Variants in IRAK1BP1 observed in about 807,000 individuals in gnomAD.
The protein encoded by IRAK1BP1 is interleukin-1 receptor-associated kinase 1-binding protein 1.
IRAK1BP1 carries 24 observed loss-of-function variants against 28.0 expected under a neutral mutation model. The observed-to-expected ratio is 0.86, with a 90% CI of 0.62 to 1.20. The LOEUF is 1.20. IRAK1BP1 is among the 50% of genes most tolerant of loss of function. The pLI, the probability that IRAK1BP1 is intolerant of heterozygous loss-of-function variation, is 0.00. For synonymous variants in IRAK1BP1, 131 were observed against 116.3 expected (o/e 1.13, Z -0.81); for missense variants, 336 against 316.7 (o/e 1.06, Z -0.46).
At chr6:78,963,080 C>T in the IRAK1BP1 span, 79 of 1,564,798 alleles carry the variant, frequency 5.0e-5, no homozygotes, top group Admixed American at 2.2e-4. Flanking sequence ...TCTATACTCG[C>T]GTGTTGCTTT....
chr6:78,922,991 G>A (rs1417501578), intron 4 of IRAK1BP1, among the ~76,000 whole-genome samples: 1 of 152,136 alleles, frequency 6.6e-6, no homozygotes, highest in Non-Finnish European at 1.5e-5. Flanking sequence ...AAAGACCATC[G>A]AGGCTAGGAA....
the IRAK1BP1 span, among the ~76,000 whole-genome samples, chr6:78,971,331 T>C: frequency 6.6e-6 from 1 of 152,262 alleles, no homozygotes; most frequent in African/African-American, 2.4e-5. Flanking sequence ...GGCATACATT[T>C]ATCCACATTT....
chr6:78,962,578 C>T, the IRAK1BP1 span, among the ~76,000 whole-genome samples: 86 of 152,132 alleles, frequency 5.7e-4, 1 homozygote, highest in African/African-American at 2.0e-3. Context: ...TGCTACAAAC[C>T]ACCACATAAT....
intron 1 of IRAK1BP1, among the ~76,000 whole-genome samples, chr6:78,875,609 C>T (rs1207145304): frequency 6.6e-6 from 1 of 152,138 alleles, no homozygotes; most frequent in Non-Finnish European, 1.5e-5. Flanking sequence ...AAGCCATTAT[C>T]CTACCCCAGT....
At chr6:78,975,344 C>T in the IRAK1BP1 span, among the ~76,000 whole-genome samples, 5 of 152,192 alleles carry the variant, frequency 3.3e-5, no homozygotes, top group African/African-American at 1.2e-4. Context: ...TAAAAACTCT[C>T]AATAAATTAG....
intron 1 of IRAK1BP1, among the ~76,000 whole-genome samples, chr6:78,883,842 C>G (rs941927272): frequency 6.6e-6 from 1 of 152,092 alleles, no homozygotes; most frequent in Non-Finnish European, 1.5e-5. Flanking sequence ...TGAATCATAC[C>G]TTGTTCAGTG....
chr6:78,889,780 G>A (rs1034987208), intron 2 of IRAK1BP1, among the ~76,000 whole-genome samples: 3 of 152,154 alleles, frequency 2.0e-5, no homozygotes, highest in African/African-American at 7.2e-5. Context: ...ACAGATGCTA[G>A]AGAGGATGTG....
At chr6:78,978,928 C>T in the IRAK1BP1 span, among the ~76,000 whole-genome samples, 1 of 151,990 alleles carries the variant, frequency 6.6e-6, no homozygotes, top group East Asian at 1.9e-4. Flanking sequence ...CCACAAAGTT[C>T]CAACAGGCAA....
chr6:78,928,741 C>T lies in IRAK1BP1; in HGVS notation c.*68-16667C>T, dbSNP rs1772960167. 2.0e-5 allele frequency among the ~76,000 whole-genome samples: 3 copies of T among 152,102 alleles called. No homozygotes were observed. In the South Asian group the frequency reaches 6.2e-4, roughly 31 times the overall value. On this transcript the variant is annotated intron_variant and NMD_transcript_variant, in intron 4 of 4. Transcript: ENST00000606868. Reference sequence around the variant, plus strand: ...TTTATCATGAAGGGATGTTGAATTTCATCAAATGCTTTTTCGGCATCAATT... The same window carrying T: ...TTTATCATGAAGGGATGTTGAATTTTATCAAATGCTTTTTCGGCATCAATT...
intron 4 of IRAK1BP1, among the ~76,000 whole-genome samples, chr6:78,923,258 G>A (rs966078216): frequency 2.6e-5 from 4 of 151,906 alleles, no homozygotes; most frequent in Admixed American, 2.6e-4. Context: ...AAAAAAAAGG[G>A]CAGGGGTTTC....
the IRAK1BP1 span, chr6:78,961,824 A>G: frequency 6.3e-7 from 1 of 1,582,000 alleles, no homozygotes; most frequent in Non-Finnish European, 8.6e-7. Flanking sequence ...AAATAAATAG[A>G]TAAGTTTGTA....
intron 4 of IRAK1BP1, among the ~76,000 whole-genome samples, chr6:78,914,405 T>C (rs1562096028): frequency 6.6e-6 from 1 of 152,222 alleles, no homozygotes; most frequent in Non-Finnish European, 1.5e-5. Flanking sequence ...AAATAAAATG[T>C]CTTGCTGTTG....
At chr6:78,976,057 G>A in the IRAK1BP1 span, among the ~76,000 whole-genome samples, 33 of 151,880 alleles carry the variant, frequency 2.2e-4, no homozygotes, top group African/African-American at 7.0e-4. Context: ...AAAAGGGCCC[G>A]CATTGCCAAG....
chr6:78,966,089 G>A, the IRAK1BP1 span: 1 of 1,260,290 alleles, frequency 7.9e-7, no homozygotes, highest in Middle Eastern at 1.9e-4. Context: ...TCATCATTCT[G>A]AAATGCATGG....
rs532325402 is a variant in IRAK1BP1, at chr6:78,895,031, C to G, written c.382-2798C>G. On this transcript the variant is annotated intron_variant, in intron 2 of 3. Coordinates refer to ENST00000369940, the MANE Select transcript of IRAK1BP1 (RefSeq NM_001010844.4). ...GCTAAGACAGGAGAATCGCTTGAAC[C>G]CGGGAGGTAGAGGTTGCAGTGAGCC... is the stretch of plus-strand genomic sequence containing the variant. Among the ~76,000 whole-genome samples, 4 of 151,922 alleles carry G rather than the reference C, an allele frequency of 2.6e-5. No homozygotes were observed. In the East Asian group the frequency reaches 7.7e-4, roughly 29 times the overall value.
rs141042048 is a variant in IRAK1BP1 at position 78,943,889 on chromosome 6, G to A, written c.*68-1519G>A. On this transcript the variant is annotated intron_variant and NMD_transcript_variant, in intron 4 of 4. Transcript: ENST00000606868. ...TAATTCCAGCTACTTGGGAGGCTGA[G>A]GCAGAAGAATTGCTTGAACCGGCAA... Among the ~76,000 whole-genome samples, 957 of 151,268 alleles carry A rather than the reference G, an allele frequency of 6.3e-3. 19 individuals carry two copies. The highest frequency in any genetic ancestry group is 0.022 in the African/African-American group (903 of 41,140).
At chr6:78,965,889 A>G in the IRAK1BP1 span, 48 of 1,304,864 alleles carry the variant, frequency 3.7e-5, no homozygotes, top group Non-Finnish European at 4.4e-5. Flanking sequence ...TAATAGATGG[A>G]AAAAAAAATT....
downstream of IRAK1BP1, chr6:78,946,474 C>A: frequency 7.2e-7 from 1 of 1,395,466 alleles, no homozygotes; most frequent in South Asian, 1.7e-5. Context: ...AAGCATGATG[C>A]CATCACTATC....
At chr6:78,933,345 C>T (rs1280661134) in intron 4 of IRAK1BP1, among the ~76,000 whole-genome samples, 1 of 152,210 alleles carries the variant, frequency 6.6e-6, no homozygotes. Flanking sequence ...AGGCCGGACG[C>T]GATGGCTCAC....
Sources: allele counts gnomAD v4.1 joint callset (sites outside exome capture counted in the v4.1 genomes callset), GRCh38; gene constraint gnomAD v4.1.1; transcripts MANE v1.5; gene names NCBI Gene and HGNC (gene_info 2026-07-23, HGNC 2026-07-21).